Variants in TNNT2 observed in about 807,000 individuals in gnomAD.
The protein encoded by TNNT2 is troponin T, cardiac muscle.
A neutral mutation model predicts 62.4 loss-of-function variants in TNNT2; 34 were observed. That is an observed-to-expected ratio of 0.54 (90% confidence interval 0.41 to 0.72). TNNT2 has a LOEUF of 0.72. TNNT2 is among the 30% of genes least tolerant of loss of function. TNNT2 has a pLI of 0.00. For missense variants in TNNT2, 275 were observed against 381.9 expected (o/e 0.72, Z 2.33); for synonymous variants, 123 against 127.2 (o/e 0.97, Z 0.22).
intron 5 of TNNT2, chr1:201,368,523 C>T (rs960423916): frequency 7.7e-6 from 4 of 520,992 alleles, no homozygotes; most frequent in Non-Finnish European, 1.5e-5. Flanking sequence ...CACCACAGAA[C>T]ATGCTCTGCT....
chr1:201,369,378 G>A (rs1660227517), intron 5 of TNNT2: 1 of 474,704 alleles, frequency 2.1e-6, no homozygotes, highest in African/African-American at 2.0e-5. Context: ...CTCTCCAGAG[G>A]ACTCTGTCCC....
intron 8 of TNNT2, 178 bp from the exon 9 acceptor site, chr1:201,365,848 T>C: frequency 6.7e-7 from 1 of 1,496,146 alleles, no homozygotes; most frequent in Non-Finnish European, 8.9e-7. Flanking sequence ...GCTCAGCACC[T>C]GGGAATACAC....
At chr1:201,365,419 C>T (rs1000921827) in intron 9 of TNNT2, 112 bp from the exon 10 acceptor site, 9 of 1,219,382 alleles carry the variant, frequency 7.4e-6, no homozygotes, top group Middle Eastern at 2.0e-4. Flanking sequence ...CAGGGCCTGG[C>T]GCCTGGCCAG....
chr1:201,371,333 G>A (rs1041671600), intron 4 of TNNT2, among the ~76,000 whole-genome samples: 1 of 152,182 alleles, frequency 6.6e-6, no homozygotes, highest in Non-Finnish European at 1.5e-5. Context: ...AGCTGAGGAG[G>A]GCGATGGGTT....
intron 2 of TNNT2, among the ~76,000 whole-genome samples, 175 bp from the exon 3 acceptor site, chr1:201,372,330 T>G (rs1255191028): frequency 6.6e-6 from 1 of 152,128 alleles, no homozygotes; most frequent in Non-Finnish European, 1.5e-5. Context: ...CCCACTAGCC[T>G]GGCCTGCCGT....
intron 8 of TNNT2, chr1:201,366,604 C>G: frequency 7.0e-7 from 1 of 1,424,894 alleles, no homozygotes; most frequent in Non-Finnish European, 9.2e-7. Context: ...AACATAGCCC[C>G]ATCCCTGCTA....
intron 8 of TNNT2, chr1:201,366,560 G>A: frequency 1.5e-6 from 2 of 1,346,334 alleles, no homozygotes; most frequent in Non-Finnish European, 1.9e-6. Context: ...CTGTGAGAGA[G>A]GAGAGTGTCC....
chr1:201,361,538 G>A (rs954986450), intron 14 of TNNT2, among the ~76,000 whole-genome samples, 169 bp from the exon 15 acceptor site: 11 of 152,212 alleles, frequency 7.2e-5, no homozygotes, highest in African/African-American at 1.9e-4. Context: ...GGGACCAGAC[G>A]GCAGCACCCA....
intron 11 of TNNT2, 98 bp from the exon 12 acceptor site, chr1:201,363,504 TTCTC>T (rs1659089783): frequency 8.9e-7 from 1 of 1,125,012 alleles, no homozygotes; most frequent in South Asian, 1.2e-5. Flanking sequence ...GAGTTCAGCT[TTCTC>T]TCCGCTCAGC....
chr1:201,363,483 T>A, intron 11 of TNNT2, 77 bp from the exon 12 acceptor site: 1 of 1,371,384 alleles, frequency 7.3e-7, no homozygotes, highest in Non-Finnish European at 1.0e-6. Context: ...AAGCTTGTGG[T>A]CTTTATGGGT....
chr1:201,375,330 C>T (rs890408573), intron 1 of TNNT2: 5 of 152,262 alleles, frequency 3.3e-5, no homozygotes, highest in Non-Finnish European at 1.5e-5. Flanking sequence ...GGGTTAGAAA[C>T]AAGCATGGCT....
Position 201,359,274 on chromosome 1 carries a change from G to GC in TNNT2, c.852-20dup. The GC allele has an allele frequency of 1.2e-6, 2 of 1,609,176 alleles. No individual in the cohort carries two copies. The highest frequency in any genetic ancestry group is 1.7e-6 in the Non-Finnish European group (2 of 1,178,380). ...CTTGGAGCTGCAGGGGAAGCAGGAC[G>GC]CAGTGACATGGAGACACAGGCAGGG... On this transcript the variant is annotated intron_variant, in intron 16 of 16. Transcript: ENST00000656932.
chr1:201,363,488 A>G, intron 11 of TNNT2, 82 bp from the exon 12 acceptor site: 6 of 1,326,664 alleles, frequency 4.5e-6, no homozygotes, highest in East Asian at 2.3e-5. Context: ...TGTGGTCTTT[A>G]TGGGTGAGTT....
intron 7 of TNNT2, 155 bp from the exon 8 acceptor site, chr1:201,367,026 A>G (rs1659786476): frequency 1.7e-5 from 21 of 1,245,154 alleles, no homozygotes; most frequent in Non-Finnish European, 2.4e-5. Flanking sequence ...AGAAGCATCC[A>G]GGAGAATGAA....
chr1:201,364,814 G>T (rs545997787), intron 10 of TNNT2, among the ~76,000 whole-genome samples: 2 of 152,252 alleles, frequency 1.3e-5, no homozygotes, highest in East Asian at 3.8e-4. Flanking sequence ...GGAGAAGGAT[G>T]TGGGATTCTG....
intron 7 of TNNT2, 173 bp downstream of exon 7, chr1:201,367,598 T>A: frequency 1.3e-6 from 1 of 773,690 alleles, no homozygotes; most frequent in Non-Finnish European, 2.3e-6. Flanking sequence ...AGGGGCAAAG[T>A]TGAAAGCTCA....
chr1:201,373,454 A>G (rs1182539908), intron 1 of TNNT2, 186 bp from the exon 2 acceptor site: 1 of 639,850 alleles, frequency 1.6e-6, no homozygotes, highest in South Asian at 1.8e-5. Flanking sequence ...TGACACCCAC[A>G]TGGCAGCAAG....
At chr1:201,367,583 G>A (rs1659889870) in intron 7 of TNNT2, 188 bp downstream of exon 7, 1 of 707,870 alleles carries the variant, frequency 1.4e-6, no homozygotes, top group South Asian at 1.7e-5. Context: ...AACTTCTCTG[G>A]GAGAAGGGGC....
chr1:201,363,508 C>T (rs1473811195), intron 11 of TNNT2, 102 bp from the exon 12 acceptor site: 1 of 1,092,148 alleles, frequency 9.2e-7, no homozygotes, highest in East Asian at 2.4e-5. Context: ...TCAGCTTTCT[C>T]TCCGCTCAGC....
Sources: allele counts gnomAD v4.1 joint callset (sites outside exome capture counted in the v4.1 genomes callset), GRCh38; gene constraint gnomAD v4.1.1; transcripts MANE v1.5; gene names NCBI Gene and HGNC (gene_info 2026-07-23, HGNC 2026-07-21).